Variants in FOXP2 observed in about 807,000 individuals in gnomAD.
FOXP2 encodes forkhead box protein P2.
Under a neutral mutation model 115.8 loss-of-function variants are expected in FOXP2, and 12 were observed. That is an observed-to-expected ratio of 0.10 (90% CI 0.07 to 0.17). FOXP2 has a LOEUF of 0.17. FOXP2 is among the 10% of genes least tolerant of loss of function. The pLI, the probability that FOXP2 is intolerant of heterozygous loss-of-function variation, is 1.00. For missense variants in FOXP2, 629 were observed against 843.5 expected, an observed-to-expected ratio of 0.75 and a Z score of 3.15; for synonymous variants, 328 against 297.7, an observed-to-expected ratio of 1.10 and a Z score of -1.05.
At chr7:114,452,727 A>G (rs975306900) in intron 2 of FOXP2, among the ~76,000 whole-genome samples, 4 of 152,100 alleles carry the variant, frequency 2.6e-5, no homozygotes, top group African/African-American at 9.7e-5. Flanking sequence ...TTAAGTACTC[A>G]ACAATGTGTG....
At chr7:114,457,018 G>C (rs549456884) in intron 2 of FOXP2, among the ~76,000 whole-genome samples, 48 of 152,244 alleles carry the variant, frequency 3.2e-4, no homozygotes, top group African/African-American at 1.0e-3. Context: ...CAAGGGCAAG[G>C]AGTGGGAGAT....
At chr7:114,219,005 C>T (rs1487067369) in intron 1 of FOXP2, among the ~76,000 whole-genome samples, 2 of 152,082 alleles carry the variant, frequency 1.3e-5, no homozygotes, top group African/African-American at 2.4e-5. Context: ...ACTATTTTAG[C>T]CTGAGTTCAG....
intron 1 of FOXP2, among the ~76,000 whole-genome samples, chr7:114,245,486 T>C (rs1216017382): frequency 6.6e-6 from 1 of 152,214 alleles, no homozygotes; most frequent in Non-Finnish European, 1.5e-5. Context: ...CTTTTGAAGT[T>C]GAGGAAGCTG....
chr7:114,271,361 A>G (rs1038286149), intron 1 of FOXP2, among the ~76,000 whole-genome samples: 3 of 150,152 alleles, frequency 2.0e-5, no homozygotes, highest in Non-Finnish European at 4.4e-5. Flanking sequence ...TGCAATGGAT[A>G]TTAGTAGGAA....
At chr7:114,381,474 C>T (rs536084006) in intron 2 of FOXP2, among the ~76,000 whole-genome samples, 1 of 152,290 alleles carries the variant, frequency 6.6e-6, no homozygotes, top group Admixed American at 6.5e-5. Context: ...TGGGGGCTAT[C>T]CTTGAACCCT....
intron 1 of FOXP2, among the ~76,000 whole-genome samples, chr7:114,138,430 C>T (rs1170230095): frequency 1.4e-5 from 2 of 142,754 alleles, no homozygotes; most frequent in African/African-American, 2.6e-5. Flanking sequence ...CTCACACTGT[C>T]GCCTGGGCTG....
chr7:114,371,413 A>G (rs1792004356), intron 2 of FOXP2, among the ~76,000 whole-genome samples: 1 of 152,160 alleles, frequency 6.6e-6, no homozygotes, highest in Non-Finnish European at 1.5e-5. Context: ...GTTTTAAGGT[A>G]GATGATACAT....
At chr7:114,656,515 A>C (rs982989186) in intron 10 of FOXP2, 2 of 453,932 alleles carry the variant, frequency 4.4e-6, no homozygotes, top group African/African-American at 4.0e-5. Context: ...GCTCTTGTAC[A>C]TCCCAGAGAA....
chr7:114,610,249 C>T (rs1030491408), intron 3 of FOXP2, among the ~76,000 whole-genome samples: 6 of 152,166 alleles, frequency 3.9e-5, no homozygotes, highest in African/African-American at 1.2e-4. Context: ...ACCATTGCAA[C>T]TGAAATTCTT....
At chr7:114,223,312 T>C (rs762332417) in intron 1 of FOXP2, among the ~76,000 whole-genome samples, 15 of 151,922 alleles carry the variant, frequency 9.9e-5, no homozygotes, top group Non-Finnish European at 1.9e-4. Context: ...TAAAAAGATA[T>C]CTCACAATGG....
At chr7:114,404,061 G>A (rs1466908255) in intron 2 of FOXP2, among the ~76,000 whole-genome samples, 1 of 152,112 alleles carries the variant, frequency 6.6e-6, no homozygotes, top group African/African-American at 2.4e-5. Flanking sequence ...TTTATATATG[G>A]TTAGCTTTAT....
intron 3 of FOXP2, among the ~76,000 whole-genome samples, chr7:114,617,353 C>T (rs1270743973): frequency 6.6e-6 from 1 of 152,204 alleles, no homozygotes; most frequent in South Asian, 2.1e-4. Context: ...CAAATGCTCC[C>T]TTCCTCTCTA....
chr7:114,610,679 T>C (rs1803579331), intron 3 of FOXP2, among the ~76,000 whole-genome samples: 1 of 152,084 alleles, frequency 6.6e-6, no homozygotes, highest in Non-Finnish European at 1.5e-5. Flanking sequence ...AATTTGTGTT[T>C]TTTTTTTGTT....
chr7:114,192,918 A>G lies in FOXP2; in HGVS notation c.-102+29830A>G, dbSNP rs552972971. Among the ~76,000 whole-genome samples the G allele has an allele frequency of 4.3e-4, 66 of 152,274 alleles. 1 individual carries two copies. In the South Asian group the frequency reaches 0.013, roughly 31 times the overall value. On this transcript the variant is annotated intron_variant, in intron 1 of 17. Transcript: ENST00000634411. ...AGCTATGGACTGTGTTCAAGTGATG[A>G]TGTTTTATTTGCTTTATATTTCATT...
At chr7:114,603,107 C>A (rs1307094697) in intron 3 of FOXP2, among the ~76,000 whole-genome samples, 1 of 152,046 alleles carries the variant, frequency 6.6e-6, no homozygotes, top group African/African-American at 2.4e-5. Flanking sequence ...ACATCATATT[C>A]CACCATGATG....
In FOXP2 at chr7:114,125,921, G is replaced by A. The variant is rs145400141; in HGVS notation, c.-246-37023G>A. On this transcript the variant is annotated intron_variant, in intron 1 of 19. Transcript: ENST00000635638. ...AAAGACATTCAGTTCTAATAAGAAT[G>A]TTACCTTAGTTTAGTGAAATTAATG... Among the ~76,000 whole-genome samples, 161 of 152,192 alleles carry A rather than the reference G, an allele frequency of 1.1e-3. 3 individuals carry two copies. In the East Asian group the frequency reaches 0.027, roughly 26 times the overall value.
intron 1 of FOXP2, among the ~76,000 whole-genome samples, chr7:114,132,853 G>A (rs1334672047): frequency 3.3e-5 from 5 of 152,094 alleles, no homozygotes; most frequent in Non-Finnish European, 7.4e-5. Context: ...GAGGATTCAG[G>A]GATAGAGAGC....
At chr7:114,146,678 T>C (rs1451701675) in intron 1 of FOXP2, among the ~76,000 whole-genome samples, 1 of 152,192 alleles carries the variant, frequency 6.6e-6, no homozygotes, top group East Asian at 1.9e-4. Flanking sequence ...GGAATGCTAA[T>C]TGCTAATATG....
chr7:114,170,504 A>C (rs1473205284), intron 1 of FOXP2, among the ~76,000 whole-genome samples: 2 of 152,232 alleles, frequency 1.3e-5, no homozygotes, highest in Non-Finnish European at 2.9e-5. Context: ...GCCGAAAGTT[A>C]GGCCTCTTAT....
Sources: allele counts gnomAD v4.1 joint callset (sites outside exome capture counted in the v4.1 genomes callset), GRCh38; gene constraint gnomAD v4.1.1; transcripts MANE v1.5; gene names NCBI Gene and HGNC (gene_info 2026-07-23, HGNC 2026-07-21).